The following SPAG16 variants were observed in gnomAD, a reference collection of about 807,000 sequenced individuals.
SPAG16 encodes sperm-associated antigen 16 protein.
A neutral mutation model predicts 80.4 loss-of-function variants in SPAG16; 86 were observed. The observed-to-expected ratio is 1.07, with a 90% CI of 0.90 to 1.28. The LOEUF (loss-of-function observed/expected upper bound fraction) is 1.28. Ranked by LOEUF, SPAG16 falls within the 50% of genes most tolerant of loss-of-function variation. The probability of loss-of-function intolerance (pLI) is 0.00; values close to 1 mark genes in which losing one functional copy is unlikely to be tolerated. For synonymous variants in SPAG16, 294 were observed against 265.9 expected (o/e 1.11, Z -1.03); for missense variants, 870 against 765.3 (o/e 1.14, Z -1.61).
intron 10 of SPAG16, among the ~76,000 whole-genome samples, chr2:213,603,641 T>G (rs1005181029): frequency 2.6e-5 from 4 of 152,232 alleles, no homozygotes; most frequent in Admixed American, 2.6e-4. Flanking sequence ...GGAATATTTG[T>G]GTGGGGAATG....
intron 15 of SPAG16, among the ~76,000 whole-genome samples, chr2:214,315,959 G>A (rs1426703161): frequency 6.6e-6 from 1 of 152,160 alleles, no homozygotes; most frequent in Non-Finnish European, 1.5e-5. Context: ...TCCAGTGACA[G>A]CAGTAAATAA....
At chr2:214,178,660 G>C (rs1470460271) in intron 15 of SPAG16, among the ~76,000 whole-genome samples, 1 of 151,280 alleles carries the variant, frequency 6.6e-6, no homozygotes, top group East Asian at 1.9e-4. Flanking sequence ...ATCATAAATA[G>C]AGCACACGTG....
At chr2:213,844,165 A>G (rs1338380816) in intron 10 of SPAG16, among the ~76,000 whole-genome samples, 2 of 152,178 alleles carry the variant, frequency 1.3e-5, no homozygotes, top group African/African-American at 2.4e-5. Context: ...AAGGTTTTCT[A>G]CTTCACTTGA....
At position 214,310,605 on chromosome 2, in the gene SPAG16, T is replaced by C. The variant is rs531148181; in HGVS notation, c.1721-99535T>C. Reference sequence around the variant, plus strand: ...CCCTAATGAAGCTCATGGAGGGAGTTTGTGGTGGGATGCACTGAGGTTTCC... The same window carrying C: ...CCCTAATGAAGCTCATGGAGGGAGTCTGTGGTGGGATGCACTGAGGTTTCC... On this transcript the variant is annotated intron_variant, in intron 15 of 15. Coordinates refer to ENST00000331683, the MANE Select transcript of SPAG16 (RefSeq NM_024532.5). Among the ~76,000 whole-genome samples the C allele has an allele frequency of 3.9e-5, 6 of 152,280 alleles. No individual in the cohort carries two copies. In the South Asian group the frequency reaches 1.2e-3, roughly 32 times the overall value.
intron 10 of SPAG16, among the ~76,000 whole-genome samples, chr2:213,598,707 A>C (rs1002596364): frequency 9.2e-5 from 14 of 152,362 alleles, no homozygotes; most frequent in African/African-American, 2.9e-4. Context: ...GAAATTGCAC[A>C]TATTTTCTCC....
intron 11 of SPAG16, among the ~76,000 whole-genome samples, chr2:213,873,832 G>A (rs541247526): frequency 1.1e-4 from 17 of 151,998 alleles, no homozygotes; most frequent in African/African-American, 3.4e-4. Context: ...TGCATCATTA[G>A]GCAATTTCAT....
chr2:213,731,220 G>A (rs1165143307), intron 10 of SPAG16, among the ~76,000 whole-genome samples: 20 of 140,296 alleles, frequency 1.4e-4, no homozygotes, highest in African/African-American at 4.5e-4. Flanking sequence ...GTAGTGGCGC[G>A]ATCTCAGCTC....
At chr2:214,180,300 T>G (rs34199387) in intron 15 of SPAG16, among the ~76,000 whole-genome samples, 45,277 of 151,358 alleles carry the variant, frequency 0.3, 8,466 homozygotes, top group Non-Finnish European at 0.41. Context: ...AGGGAATTTG[T>G]CCAGAGCAGA....
intron 10 of SPAG16, among the ~76,000 whole-genome samples, chr2:213,654,688 C>G (rs538077373): frequency 3.3e-5 from 5 of 150,714 alleles, no homozygotes; most frequent in South Asian, 2.1e-4. Context: ...CTGCACTCCA[C>G]CCTGGGTAAC....
chr2:213,603,948 G>C (rs1050863626), intron 10 of SPAG16, among the ~76,000 whole-genome samples: 18 of 144,884 alleles, frequency 1.2e-4, no homozygotes, highest in African/African-American at 4.4e-4. Flanking sequence ...TTTTGAGATA[G>C]AGTCTCACTA....
intron 15 of SPAG16, among the ~76,000 whole-genome samples, chr2:214,399,321 CT>C (rs200516083): frequency 3.9e-5 from 6 of 152,076 alleles, no homozygotes; most frequent in Non-Finnish European, 8.8e-5. Flanking sequence ...ATTTGCATAT[CT>C]TTTTTTTACT....
Position 213,980,725 on chromosome 2 carries a change from T to TATATATATATATATAG in SPAG16, c.1401-33225_1401-33224insTATATATATATATAGA, listed in dbSNP as rs374274176. Among the ~76,000 whole-genome samples, 69 of 103,984 alleles carry TATATATATATATATAG rather than the reference T, an allele frequency of 6.6e-4. 1 individual carries two copies. Among genetic ancestry groups the TATATATATATATATAG allele is most frequent in the East Asian group, 3.2e-3 (11 of 3,490 alleles). The allele number at this position is 103,984 out of a possible 152,430, so 68.2% of individuals were successfully genotyped here. A position where few individuals can be genotyped will look rare whatever the true frequency, so the allele number is the denominator to read the frequency against. On this transcript the variant is annotated intron_variant, in intron 12 of 15. Transcript: ENST00000331683. ...GTGTGTGTGTGTGTATATATATATA[T>TATATATATATATATAG]AGAGAGAGAGAGAGAGAGAGAGAGA...
chr2:213,466,528 C>T (rs1321266669), intron 9 of SPAG16, among the ~76,000 whole-genome samples: 1 of 152,106 alleles, frequency 6.6e-6, no homozygotes, highest in Non-Finnish European at 1.5e-5. Flanking sequence ...CCCAAGAACC[C>T]CCTCAGTTGT....
intron 12 of SPAG16, among the ~76,000 whole-genome samples, chr2:213,978,199 C>A (rs1014130820): frequency 5.3e-5 from 8 of 151,996 alleles, no homozygotes; most frequent in African/African-American, 1.9e-4. Flanking sequence ...GATAAGTCTC[C>A]TCTCACATTT....
intron 10 of SPAG16, among the ~76,000 whole-genome samples, chr2:213,734,576 G>A (rs927335097): frequency 3.3e-5 from 5 of 152,162 alleles, no homozygotes; most frequent in Non-Finnish European, 5.9e-5. Flanking sequence ...GAATTGGAAT[G>A]TATTTTGAAG....
At chr2:214,259,708 C>CT (rs1201061845) in intron 15 of SPAG16, among the ~76,000 whole-genome samples, 6 of 151,780 alleles carry the variant, frequency 4.0e-5, no homozygotes, top group Admixed American at 2.0e-4. Context: ...TGTTTTTGTA[C>CT]TTTGTTTTTG....
intron 13 of SPAG16, among the ~76,000 whole-genome samples, chr2:214,055,414 A>G (rs1354496875): frequency 6.6e-6 from 1 of 152,160 alleles, no homozygotes; most frequent in African/African-American, 2.4e-5. Flanking sequence ...GCAAACAATA[A>G]TGATTTTTAA....
intron 7 of SPAG16, among the ~76,000 whole-genome samples, chr2:213,362,749 T>G (rs913543377): frequency 6.6e-6 from 1 of 152,182 alleles, no homozygotes; most frequent in Admixed American, 6.5e-5. Context: ...AATCTGTGTA[T>G]TAGTCCATCT....
Position 213,944,670 on chromosome 2 carries a change from T to TG in SPAG16, c.1400+14526dup, listed in dbSNP as rs140645246. Among the ~76,000 whole-genome samples the TG allele has an allele frequency of 9.4e-3, 1,438 of 152,172 alleles. 29 individuals carry two copies. Among genetic ancestry groups the TG allele is most frequent in the African/African-American group, 0.033 (1,369 of 41,530 alleles). ...TTTTTATTGTGAGAAGGACATGAAT[T>TG]GTGGGGGGCTGGGAATGGAGTGCTA... On this transcript the variant is annotated intron_variant, in intron 12 of 15. Transcript: ENST00000331683.
Sources: gnomAD v4.1 joint callset for allele counts (sites outside exome capture counted in the v4.1 genomes callset) on GRCh38, gnomAD v4.1.1 for gene constraint, MANE v1.5 for transcripts, NCBI Gene and HGNC (gene_info 2026-07-23, HGNC 2026-07-21) for gene names.